The following PCMTD1 variants were observed in gnomAD, a reference collection of about 807,000 sequenced individuals.
PCMTD1 encodes the protein protein-L-isoaspartate O-methyltransferase domain-containing protein 1.
PCMTD1 carries 12 observed loss-of-function variants against 37.6 expected under a neutral mutation model. That is an observed-to-expected ratio of 0.32 (90% confidence interval 0.20 to 0.52). The LOEUF is 0.52. Among genes scored for constraint, PCMTD1 ranks in the 20% least tolerant of loss-of-function variants. The pLI is 0.97. For missense variants in PCMTD1, 235 were observed against 421.3 expected (o/e 0.56, Z 3.87); for synonymous variants, 117 against 135.8 (o/e 0.86, Z 0.96).
rs1294213892 is a variant in PCMTD1, at chr8:51,817,613, AT to A, written c.*2737del. The A allele has an allele frequency of 5.0e-6, 1 of 201,430 alleles. No individual in the cohort carries two copies. The highest frequency in any genetic ancestry group is 5.8e-5 in the Admixed American group (1 of 17,210). 12.5% of individuals were successfully genotyped at this position (201,430 alleles called of 1,614,324 possible). A position where few individuals can be genotyped will look rare whatever the true frequency, so the allele number is the denominator to read the frequency against. ...TACATGTAATTGTTTATTTAAAATA[AT>A]TTTCCAAGTCTTCCAATGATTTAAC... On this transcript the variant is annotated 3_prime_UTR_variant, in exon 6 of 6. Coordinates refer to ENST00000522514, the MANE Select transcript of PCMTD1 (RefSeq NM_052937.4).
chr8:51,875,227 A>T (rs1206704378), intron 1 of PCMTD1, among the ~76,000 whole-genome samples: 1 of 152,222 alleles, frequency 6.6e-6, no homozygotes. Flanking sequence ...GGAAAAAAAT[A>T]CCAAAAAGTG....
chr8:51,892,855 AAT>A (rs57538301), intron 1 of PCMTD1, among the ~76,000 whole-genome samples: 27,220 of 152,100 alleles, frequency 0.18, 2,837 homozygotes, highest in Non-Finnish European at 0.23. Context: ...CAAATAAAAA[AAT>A]AGTTTCCATT....
chr8:51,841,438 TAA>T (rs1269905847), intron 3 of PCMTD1, among the ~76,000 whole-genome samples: 1 of 152,162 alleles, frequency 6.6e-6, no homozygotes, highest in Admixed American at 6.6e-5. Context: ...GTCACAGCTA[TAA>T]GTCACCTAAA....
intron 1 of PCMTD1, among the ~76,000 whole-genome samples, chr8:51,897,764 G>A (rs547122032): frequency 1.3e-5 from 2 of 152,090 alleles, no homozygotes; most frequent in African/African-American, 2.4e-5. Context: ...TGAAGAAAAG[G>A]CTTCCCCAAG....
intron 2 of PCMTD1, 148 bp from the exon 3 acceptor site, chr8:51,845,911 G>A (rs772580756): frequency 2.6e-5 from 14 of 536,188 alleles, no homozygotes; most frequent in Non-Finnish European, 4.5e-5. Flanking sequence ...CTTAAAAGTT[G>A]AATGGAAATC....
chr8:51,821,840 A>G (rs2037853329), intron 5 of PCMTD1, among the ~76,000 whole-genome samples: 1 of 151,794 alleles, frequency 6.6e-6, no homozygotes, highest in African/African-American at 2.4e-5. Context: ...GGTTCAAGCG[A>G]TTCTCCTGCC....
At chr8:51,839,592 G>A in intron 3 of PCMTD1, 1 of 985,378 alleles carries the variant, frequency 1.0e-6, no homozygotes, top group Non-Finnish European at 1.2e-6. Context: ...ACCTAGCCTT[G>A]CCCTGTAGCT....
Position 51,819,848 on chromosome 8 carries a change from T to C in PCMTD1, c.*503A>G, listed in dbSNP as rs2037817712. ...TTGTATTGTTATTGCACTCATATAT[T>C]GCCCGGAATATATATACAGCAACCC... On this transcript the variant is annotated 3_prime_UTR_variant, in exon 6 of 6. Coordinates refer to ENST00000522514, the MANE Select transcript of PCMTD1 (RefSeq NM_052937.4). The C allele has an allele frequency of 6.6e-6, 1 of 152,638 alleles. No individual in the cohort carries two copies. The highest frequency in any genetic ancestry group is 1.5e-5 in the Non-Finnish European group (1 of 68,066). The allele number at this position is 152,638 out of a possible 1,614,324, so 9.5% of individuals were successfully genotyped here. A position where few individuals can be genotyped will look rare whatever the true frequency, so the allele number is the denominator to read the frequency against.
intron 1 of PCMTD1, among the ~76,000 whole-genome samples, chr8:51,870,560 A>T (rs2038624681): frequency 6.6e-6 from 1 of 152,242 alleles, no homozygotes; most frequent in Admixed American, 6.5e-5. Context: ...AACATATAGC[A>T]GCAATTTCCT....
At chr8:51,854,610 G>C (rs990069063) in intron 2 of PCMTD1, among the ~76,000 whole-genome samples, 2 of 152,188 alleles carry the variant, frequency 1.3e-5, no homozygotes, top group African/African-American at 4.8e-5. Flanking sequence ...CAGGCGCAGT[G>C]GTTTATGCCT....
chr8:51,859,551 GAGGTCCCATGACTAAT>G (rs1020586020), intron 2 of PCMTD1, among the ~76,000 whole-genome samples: 14 of 152,290 alleles, frequency 9.2e-5, no homozygotes, highest in African/African-American at 3.4e-4. Context: ...AAACAGATGG[GAGGTCCCATGACTAAT>G]AGAGTAAGGA....
At position 51,837,595 on chromosome 8, in the gene PCMTD1, C is replaced by T. The variant is rs765641052; in HGVS notation, c.411-3906G>A. On this transcript the variant is annotated intron_variant, in intron 3 of 5. Coordinates refer to ENST00000522514, the MANE Select transcript of PCMTD1 (RefSeq NM_052937.4). ...TCTAGCCATAATACATGGAACTTCA[C>T]AATCAGTTAAAGAAAAAAGCTCTCA... is the stretch of plus-strand genomic sequence containing the variant. Among the ~76,000 whole-genome samples, 14 of 152,164 alleles carry T rather than the reference C, an allele frequency of 9.2e-5. 1 individual carries two copies. Among genetic ancestry groups the T allele is most frequent in the South Asian group, 4.2e-4 (2 of 4,816 alleles).
intron 1 of PCMTD1, among the ~76,000 whole-genome samples, chr8:51,872,059 G>C (rs1320532486): frequency 6.6e-6 from 1 of 152,174 alleles, no homozygotes; most frequent in Non-Finnish European, 1.5e-5. Context: ...AGAAACAGTA[G>C]ATGGTAGTTC....
intron 1 of PCMTD1, among the ~76,000 whole-genome samples, chr8:51,885,638 G>A (rs775135805): frequency 6.6e-6 from 1 of 152,148 alleles, no homozygotes; most frequent in African/African-American, 2.4e-5. Context: ...TGTAGGCATA[G>A]GTAGGCAGAC....
chr8:51,823,513 A>T (rs1466291938), intron 5 of PCMTD1, among the ~76,000 whole-genome samples: 2 of 152,194 alleles, frequency 1.3e-5, no homozygotes, highest in Admixed American at 1.3e-4. Context: ...AACCTTTTAG[A>T]TAAGTCTCAG....
At chr8:51,881,296 T>C (rs1449848481) in intron 1 of PCMTD1, among the ~76,000 whole-genome samples, 1 of 152,198 alleles carries the variant, frequency 6.6e-6, no homozygotes, top group East Asian at 1.9e-4. Flanking sequence ...CTTAACTGGA[T>C]TTTCAATAAT....
At chr8:51,862,739 TTGTC>T (rs1442283347) in intron 1 of PCMTD1, among the ~76,000 whole-genome samples, 1 of 152,206 alleles carries the variant, frequency 6.6e-6, no homozygotes, top group Non-Finnish European at 1.5e-5. Flanking sequence ...CATATTGTCT[TTGTC>T]TGTGTCCACT....
chr8:51,856,890 T>C (rs1477373594), intron 2 of PCMTD1, among the ~76,000 whole-genome samples: 5 of 152,228 alleles, frequency 3.3e-5, no homozygotes, highest in Non-Finnish European at 7.3e-5. Context: ...TGGGGAATAA[T>C]CTTTTTAGCA....
rs1028477585 is a variant in PCMTD1 at position 51,819,241 on chromosome 8, T to C, written c.*1110A>G. On this transcript the variant is annotated 3_prime_UTR_variant, in exon 6 of 6. Transcript: ENST00000522514. ...GGCATAGGTCCCAAAGATTACACTA[T>C]GATTCTGAACAGCATTTTCAAAACA... 6.6e-6 allele frequency: 1 copy of C among 152,082 alleles called. No individual in the cohort carries two copies. Among genetic ancestry groups the C allele is most frequent in the Non-Finnish European group, 1.5e-5 (1 of 68,010 alleles). 9.4% of individuals were successfully genotyped at this position (152,082 alleles called of 1,614,324 possible).
Sources: allele counts gnomAD v4.1 joint callset (sites outside exome capture counted in the v4.1 genomes callset), GRCh38; gene constraint gnomAD v4.1.1; transcripts MANE v1.5; gene names NCBI Gene and HGNC (gene_info 2026-07-23, HGNC 2026-07-21).